The following ZFPM2 variants were observed in gnomAD, a reference collection of about 807,000 sequenced individuals.
ZFPM2 encodes zinc finger protein, FOG family member 2, also known as zinc finger protein ZFPM2.
ZFPM2 carries 20 observed loss-of-function variants against 98.6 expected under a neutral mutation model. That is an observed-to-expected ratio of 0.20 (90% CI 0.14 to 0.29). The LOEUF (loss-of-function observed/expected upper bound fraction) is 0.29. Among genes scored for constraint, ZFPM2 ranks in the 10% least tolerant of loss-of-function variants. The pLI is 1.00. For synonymous variants in ZFPM2, 518 were observed against 502.7 expected (o/e 1.03, Z -0.41); for missense variants, 1,310 against 1,388.6 (o/e 0.94, Z 0.90).
intron 3 of ZFPM2, among the ~76,000 whole-genome samples, chr8:105,551,634 C>T (rs550637486): frequency 1.2e-3 from 179 of 151,840 alleles, no homozygotes; most frequent in Non-Finnish European, 2.1e-3. Flanking sequence ...GTCATTTATT[C>T]ATCTGTCAAA....
At chr8:105,420,284 A>G (rs1048693338) in intron 2 of ZFPM2, among the ~76,000 whole-genome samples, 10 of 152,226 alleles carry the variant, frequency 6.6e-5, no homozygotes, top group African/African-American at 2.4e-4. Context: ...AAGAGTGCCA[A>G]TGTAGCTTCT....
chr8:105,391,196 C>T (rs1379083800), intron 1 of ZFPM2, among the ~76,000 whole-genome samples: 1 of 152,216 alleles, frequency 6.6e-6, no homozygotes, highest in East Asian at 1.9e-4. Flanking sequence ...TGTGTGCTCA[C>T]TTCATGTCCC....
chr8:105,783,155 G>A (rs16873677), intron 5 of ZFPM2, among the ~76,000 whole-genome samples: 25,212 of 147,312 alleles, frequency 0.17, 3,711 homozygotes, highest in African/African-American at 0.4. Flanking sequence ...GGTTTGTTAA[G>A]TAGCTTTGCT....
chr8:105,756,357 T>G (rs752933673), intron 5 of ZFPM2, among the ~76,000 whole-genome samples: 1 of 152,220 alleles, frequency 6.6e-6, no homozygotes, highest in Non-Finnish European at 1.5e-5. Context: ...AAATTGCTTG[T>G]ACATTACACA....
chr8:105,558,665 T>G (rs555660026), intron 3 of ZFPM2, among the ~76,000 whole-genome samples: 14 of 152,282 alleles, frequency 9.2e-5, no homozygotes, highest in Admixed American at 3.3e-4. Flanking sequence ...CAAACCCTTT[T>G]CAAATGAAAT....
chr8:105,744,147 C>T (rs540783847), intron 5 of ZFPM2, among the ~76,000 whole-genome samples: 2 of 152,184 alleles, frequency 1.3e-5, no homozygotes, highest in South Asian at 2.1e-4. Context: ...TTTTCCAACA[C>T]GGCTAAAGAG....
chr8:105,632,685 A>G (rs1251040427), intron 4 of ZFPM2, among the ~76,000 whole-genome samples: 2 of 152,202 alleles, frequency 1.3e-5, no homozygotes, highest in Non-Finnish European at 2.9e-5. Context: ...ATTTTTGTCT[A>G]TATTGTTAAA....
chr8:105,339,276 T>A (rs1464286162), intron 1 of ZFPM2, among the ~76,000 whole-genome samples: 1 of 151,834 alleles, frequency 6.6e-6, no homozygotes, highest in Non-Finnish European at 1.5e-5. Flanking sequence ...TTGTTCCATC[T>A]TTTTTTGCTA....
chr8:105,437,306 A>G (rs1193845706), intron 2 of ZFPM2, among the ~76,000 whole-genome samples: 2 of 152,196 alleles, frequency 1.3e-5, no homozygotes, highest in African/African-American at 4.8e-5. Flanking sequence ...TAATGAATGA[A>G]ACAAATTGGA....
chr8:105,323,235 C>T (rs1042785154), intron 1 of ZFPM2, among the ~76,000 whole-genome samples: 1 of 151,728 alleles, frequency 6.6e-6, no homozygotes, highest in Non-Finnish European at 1.5e-5. Context: ...TTTGGGAATA[C>T]TACCTATATT....
At position 105,634,149 on chromosome 8, in the gene ZFPM2, T is replaced by C. The variant is rs1816802974; in HGVS notation, c.421-97T>C. 17 of 882,828 alleles carry C rather than the reference T, an allele frequency of 1.9e-5. No individual in the cohort carries two copies. The South Asian group carries it at 2.8e-4, about 14-fold the overall frequency. The allele number at this position is 882,828 out of a possible 1,614,324, so 54.7% of individuals were successfully genotyped here. A position where few individuals can be genotyped will look rare whatever the true frequency, so the allele number is the denominator to read the frequency against. ...GACTTGGATTATGGTTTGGGAGATT[T>C]AGTTGTTTGTAAAAATAAAATGATT... is the stretch of plus-strand genomic sequence containing the variant. On this transcript the variant is annotated intron_variant, in intron 4 of 7. Coordinates refer to ENST00000407775, the MANE Select transcript of ZFPM2 (RefSeq NM_012082.4).
chr8:105,583,714 A>G (rs1196921775), intron 4 of ZFPM2, among the ~76,000 whole-genome samples: 1 of 152,212 alleles, frequency 6.6e-6, no homozygotes, highest in Non-Finnish European at 1.5e-5. Flanking sequence ...TTTTGATGAA[A>G]GGTGGCCTCC....
chr8:105,409,148 T>C (rs189037431), intron 1 of ZFPM2, among the ~76,000 whole-genome samples: 272 of 151,962 alleles, frequency 1.8e-3, no homozygotes, highest in Non-Finnish European at 3.1e-3. Flanking sequence ...CAGGAAATGT[T>C]AGGCCCTCAA....
intron 3 of ZFPM2, among the ~76,000 whole-genome samples, chr8:105,516,010 C>T (rs993322906): frequency 9.5e-5 from 14 of 147,668 alleles, no homozygotes; most frequent in African/African-American, 3.3e-4. Flanking sequence ...TTCTGCCTTC[C>T]GGGTCTCCGG....
chr8:105,691,362 C>A lies in ZFPM2; in HGVS notation c.532+57005C>A, dbSNP rs1810877188. ...TTCCCGGGTTCACGCCATTCTCCTG[C>A]CTCAGCCTCCCGAGTAGCCGGGACT... On this transcript the variant is annotated intron_variant, in intron 5 of 7. Transcript: ENST00000407775. Among the ~76,000 whole-genome samples, 6 of 141,668 alleles carry A rather than the reference C, an allele frequency of 4.2e-5. 1 individual carries two copies. The South Asian group carries it at 1.4e-3, about 33-fold the overall frequency. The allele number at this position is 141,668 out of a possible 152,430, so 92.9% of individuals were successfully genotyped here.
chr8:105,511,801 C>T lies in ZFPM2; in HGVS notation c.302-49562C>T, dbSNP rs11994678. 8.3e-3 allele frequency among the ~76,000 whole-genome samples: 1,264 copies of T among 152,160 alleles called. 17 individuals carry two copies. The highest frequency in any genetic ancestry group is 0.028 in the African/African-American group (1,183 of 41,510). On this transcript the variant is annotated intron_variant, in intron 3 of 7. Coordinates refer to ENST00000407775, the MANE Select transcript of ZFPM2 (RefSeq NM_012082.4). ...GTCAGTTCAGACCAAACCAGTAATC[C>T]GAAACCAGCAAGCCCATAGTTATGG...
In ZFPM2 at chr8:105,405,487, G is replaced by A. The variant is rs1415932542; in HGVS notation, c.41-13657G>A. ...ATGTTCCCCTTCCTGTGTCCATGTG[G>A]TCTCATTGTTCAATTCCCACCTGTG... On this transcript the variant is annotated intron_variant, in intron 1 of 7. Coordinates refer to ENST00000407775, the MANE Select transcript of ZFPM2 (RefSeq NM_012082.4). Among the ~76,000 whole-genome samples the A allele has an allele frequency of 2.1e-5, 3 of 145,650 alleles. No individual in the cohort carries two copies. The East Asian group carries it at 6.2e-4, about 30-fold the overall frequency.
At chr8:105,653,266 A>C (rs1472588741) in intron 5 of ZFPM2, among the ~76,000 whole-genome samples, 1 of 152,154 alleles carries the variant, frequency 6.6e-6, no homozygotes, top group Non-Finnish European at 1.5e-5. Flanking sequence ...AATGAAGCAA[A>C]CTGATACAAA....
At chr8:105,499,027 T>C (rs1191054576) in intron 3 of ZFPM2, among the ~76,000 whole-genome samples, 2 of 152,166 alleles carry the variant, frequency 1.3e-5, no homozygotes, top group African/African-American at 4.8e-5. Context: ...TCCCCATTTC[T>C]GAGCACATAG....
Sources: gnomAD v4.1 joint callset for allele counts (sites outside exome capture counted in the v4.1 genomes callset) on GRCh38, gnomAD v4.1.1 for gene constraint, MANE v1.5 for transcripts, NCBI Gene and HGNC (gene_info 2026-07-23, HGNC 2026-07-21) for gene names.